CYB561: variants seen among roughly 807,000 people sequenced by gnomAD.
CYB561 encodes the protein transmembrane ascorbate-dependent reductase CYB561.
A neutral mutation model predicts 25.3 loss-of-function variants in CYB561; 11 were observed. That is an observed-to-expected ratio of 0.44 (90% CI 0.27 to 0.72). The LOEUF is 0.72. Ranked by LOEUF, CYB561 falls within the 30% of genes least tolerant of loss-of-function variation. The pLI, the probability that CYB561 is intolerant of heterozygous loss-of-function variation, is 0.18. For missense variants in CYB561, 295 were observed against 334.9 expected (o/e 0.88, Z 0.93); for synonymous variants, 165 against 158.8 (o/e 1.04, Z -0.29).
chr17:63,434,978 G>A (rs1599114616), intron 5 of CYB561, 108 bp downstream of exon 5: 6 of 1,218,768 alleles, frequency 4.9e-6, no homozygotes, highest in Middle Eastern at 2.6e-4. Flanking sequence ...CACCAGTTGT[G>A]ACGCCACGAG....
Position 63,436,170 on chromosome 17 carries a change from G to A in CYB561, c.203-18C>T, listed in dbSNP as rs1262021227. On this transcript the variant is annotated intron_variant, in intron 2 of 5. Transcript: ENST00000360793. This position sits in a 1 kb window ranked among gnomAD's most constrained non-coding sequence, Gnocchi z 4.8. The stretch of plus-strand genomic sequence containing the variant: ...CAGCAGGGCTGTGGGAGGTGAGAGA[G>A]GGAACGTGAGTGCATCCGCCTGTGC... 2 of 1,612,340 alleles carry A rather than the reference G, an allele frequency of 1.2e-6. No homozygotes were observed. The highest frequency in any genetic ancestry group is 1.7e-6 in the Non-Finnish European group (2 of 1,178,756).
Position 63,438,408 on chromosome 17 carries a change from A to C in CYB561, c.-13-848T>G. 3 of 553,680 alleles carry C rather than the reference A, an allele frequency of 5.4e-6. No individual in the cohort carries two copies. In the East Asian group the frequency reaches 9.3e-5, roughly 17 times the overall value. The allele number at this position is 553,680 out of a possible 1,614,324, so 34.3% of individuals were successfully genotyped here. A position where few individuals can be genotyped will look rare whatever the true frequency, so the allele number is the denominator to read the frequency against. On this transcript the variant is annotated intron_variant, in intron 1 of 5. Transcript: ENST00000360793. ...TTTTAACTCCATGCTGGCGATGAGG[A>C]GGCCTCCCCACCCCACACCCAGGAG... is the stretch of plus-strand genomic sequence containing the variant.
Position 63,434,614 on chromosome 17 carries a change from G to A in CYB561, c.564-20C>T. The A allele has an allele frequency of 6.3e-7, 1 of 1,595,286 alleles. No individual in the cohort carries two copies. The highest frequency in any genetic ancestry group is 8.5e-7 in the Non-Finnish European group (1 of 1,172,698). On this transcript the variant is annotated intron_variant, in intron 5 of 5. Transcript: ENST00000360793. ...TTGCCCCTGCAGGGGTGAGAGGAAG[G>A]GAGAAGCTGCCCAAGGGGTCACAAT...
chr17:63,433,414 TC>T lies in CYB561; in HGVS notation c.*987del. On this transcript the variant is annotated 3_prime_UTR_variant, in exon 6 of 6. Coordinates refer to ENST00000360793, the MANE Select transcript of CYB561 (RefSeq NM_001915.4). ...TAGTTGTTCTGACTCCATCCTGACTTCCTGGAAAGATGGGCAGCAGATAAGG... is the reference window on the plus strand; with the variant it reads ...TAGTTGTTCTGACTCCATCCTGACTTCTGGAAAGATGGGCAGCAGATAAGG... The T allele has an allele frequency of 2.5e-6, 1 of 398,824 alleles. No individual in the cohort carries two copies. Among genetic ancestry groups the T allele is most frequent in the Non-Finnish European group, 4.4e-6 (1 of 226,252 alleles). The allele number at this position is 398,824 out of a possible 1,614,324, so 24.7% of individuals were successfully genotyped here.
intron 1 of CYB561, among the ~76,000 whole-genome samples, chr17:63,445,301 G>A (rs536113314): frequency 1.3e-5 from 2 of 152,244 alleles, no homozygotes; most frequent in South Asian, 4.1e-4. Context: ...AAGGAGGTGG[G>A]GCTGCCACCG....
Position 63,433,439 on chromosome 17 carries a change from G to A in CYB561, c.*963C>T, listed in dbSNP as rs2049256009. ...TCCTGGAAAGATGGGCAGCAGATAA[G>A]GAGAAGGCTCGTCCTCCAGAACAGA... is the stretch of plus-strand genomic sequence containing the variant. On this transcript the variant is annotated 3_prime_UTR_variant, in exon 6 of 6. Coordinates refer to ENST00000360793, the MANE Select transcript of CYB561 (RefSeq NM_001915.4). The A allele has an allele frequency of 2.5e-6, 1 of 398,852 alleles. No homozygotes were observed. The highest frequency in any genetic ancestry group is 4.4e-6 in the Non-Finnish European group (1 of 226,264). 24.7% of individuals were successfully genotyped at this position (398,852 alleles called of 1,614,324 possible).
chr17:63,435,512 G>A, intron 4 of CYB561, 176 bp downstream of exon 4: 1 of 703,314 alleles, frequency 1.4e-6, no homozygotes, highest in Non-Finnish European at 2.4e-6. Context: ...TGGGAGCTGG[G>A]CACCCTTGGC....
chr17:63,433,091 A>C lies in CYB561; in HGVS notation c.*1311T>G, dbSNP rs538809095. 5.3e-5 allele frequency: 16 copies of C among 303,520 alleles called. No homozygotes were observed. Among genetic ancestry groups the C allele is most frequent in the African/African-American group, 3.2e-4 (15 of 46,208 alleles). 18.8% of individuals were successfully genotyped at this position (303,520 alleles called of 1,614,324 possible). A position where few individuals can be genotyped will look rare whatever the true frequency, so the allele number is the denominator to read the frequency against. ...TTTTTGAGCCTGTCGCCCAGGCTGG[A>C]GTGCAATCTCAGCTCACTGCAAGCG... On this transcript the variant is annotated 3_prime_UTR_variant, in exon 6 of 6. Transcript: ENST00000360793.
At chr17:63,441,267 C>T (rs1255253952) in intron 1 of CYB561, among the ~76,000 whole-genome samples, 1 of 152,254 alleles carries the variant, frequency 6.6e-6, no homozygotes, top group East Asian at 1.9e-4. Context: ...GGGGACCCAA[C>T]AGCCTGTGAG....
In CYB561 at chr17:63,435,744, G is replaced by T; in HGVS notation, c.349C>A (p.Leu117Met). 1.9e-6 allele frequency: 3 copies of T among 1,614,248 alleles called. No homozygotes were observed. The highest frequency in any genetic ancestry group is 2.5e-6 in the Non-Finnish European group (3 of 1,180,044). ...CCGCACCAGCTGTGTAGGCTGTACA[G>T]GTCAGCGTAGCCCTTCTTCCTGTGG... ...DYHRKKGYAD[L>M]YSLHSWCGIL... is the part of the protein sequence containing the mutation. Residue 117 changes from leucine to methionine, a missense_variant, in exon 4 of 6, where the codon CTG becomes ATG. By Grantham distance (15) the Leu-to-Met change is conservative (BLOSUM62 2). Transcript: ENST00000360793.
chr17:63,438,129 A>G, intron 1 of CYB561: 1 of 1,535,186 alleles, frequency 6.5e-7, no homozygotes, highest in Non-Finnish European at 8.7e-7. Flanking sequence ...GACCTGGGAC[A>G]CGACGCCAGG....
Position 63,437,481 on chromosome 17 carries a change from G to A in CYB561, c.67C>T (p.Leu23=). ...GTCATGGCCACCAAGGTCAGGCCCA[G>A]CAGCTGGGAGAAGGCCACGTAGTAA... The part of the protein sequence containing the change: ...LPYYVAFSQL[L]GLTLVAMTGA... Residue 23 remains leucine (L), a synonymous_variant, in exon 2 of 6, where the codon CTG becomes TTG. Coordinates refer to ENST00000360793, the MANE Select transcript of CYB561 (RefSeq NM_001915.4). The A allele has an allele frequency of 6.2e-7, 1 of 1,613,838 alleles. No individual in the cohort carries two copies. Among genetic ancestry groups the A allele is most frequent in the Non-Finnish European group, 8.5e-7 (1 of 1,179,972 alleles).
At chr17:63,437,991 G>C (rs2049330806) in intron 1 of CYB561, 44 of 548,478 alleles carry the variant, frequency 8.0e-5, no homozygotes, top group Non-Finnish European at 1.1e-4. Context: ...CTCCCCCGAG[G>C]CTCCCGCTGG....
Position 63,434,493 on chromosome 17 carries a change from G to T in CYB561, c.665C>A (p.Ala222Asp), listed in dbSNP as rs1270192447. Residue 222 changes from alanine (A) to aspartate (D), a missense_variant, in exon 6 of 6, where the codon GCC (alanine) becomes GAC (aspartate). Transcript: ENST00000360793. ...GGAVLYILTR[A>D]DWKRPSQAEE... ...CGCCTGGGAAGGCCGCTTCCAGTCG[G>T]CCCGGGTCAAGATGTAGAGCACCGC... 1 of 1,612,860 alleles carries T rather than the reference G, an allele frequency of 6.2e-7. No homozygotes were observed. Among genetic ancestry groups the T allele is most frequent in the African/African-American group, 1.3e-5 (1 of 74,902 alleles).
At chr17:63,434,997 C>T in intron 5 of CYB561, 89 bp downstream of exon 5, 1 of 1,396,814 alleles carries the variant, frequency 7.2e-7, no homozygotes, top group South Asian at 1.4e-5. Flanking sequence ...AGAGGCGGCT[C>T]AGGAAGCCAC....
rs751692735 is a variant in CYB561 at position 63,433,483 on chromosome 17, C to T, written c.*919G>A. The T allele has an allele frequency of 2.1e-3, 826 of 398,776 alleles. 1 individual carries two copies. Among genetic ancestry groups the T allele is most frequent in the Non-Finnish European group, 3.1e-3 (699 of 226,438 alleles). The allele number at this position is 398,776 out of a possible 1,614,324, so 24.7% of individuals were successfully genotyped here. On this transcript the variant is annotated 3_prime_UTR_variant, in exon 6 of 6. Coordinates refer to ENST00000360793, the MANE Select transcript of CYB561 (RefSeq NM_001915.4). ...GAACAGAGGCAGCAGCTCCAGCAGC[C>T]CCAGGGGGCTCTAGCCACAGCCAGC...
At position 63,432,917 on chromosome 17, in the gene CYB561, C is replaced by T. The variant is rs3087776; in HGVS notation, c.*1485G>A. 0.54 allele frequency: 82,295 copies of T among 152,628 alleles called. 23,413 individuals carry two copies. Among genetic ancestry groups the T allele is most frequent in the African/African-American group, 0.71 (29,330 of 41,498 alleles). 9.5% of individuals were successfully genotyped at this position (152,628 alleles called of 1,614,324 possible). On this transcript the variant is annotated 3_prime_UTR_variant, in exon 6 of 6. Transcript: ENST00000360793. ...GAAGAAGAGTCGTCAGGTTTGGAAA[C>T]TGTATATTAAGCCCTTCACTGAAGT...
chr17:63,441,371 C>A (rs937452474), intron 1 of CYB561, among the ~76,000 whole-genome samples: 5 of 152,188 alleles, frequency 3.3e-5, no homozygotes, highest in South Asian at 2.1e-4. Flanking sequence ...ATTTGACAGG[C>A]CAGGAAATGG....
At chr17:63,440,312 G>A (rs548680820) in intron 1 of CYB561, 3 of 398,622 alleles carry the variant, frequency 7.5e-6, no homozygotes, top group South Asian at 1.3e-4. Context: ...CCGGGCCCAG[G>A]TGACACCTCA....
Sources: allele counts gnomAD v4.1 joint callset (sites outside exome capture counted in the v4.1 genomes callset), GRCh38; gene constraint gnomAD v4.1.1; non-coding constraint Gnocchi (gnomAD v3.1); transcripts MANE v1.5; gene names NCBI Gene and HGNC (gene_info 2026-07-23, HGNC 2026-07-21).